The following SMG6 variants were observed in gnomAD, a reference collection of about 807,000 sequenced individuals.
SMG6 encodes the protein telomerase-binding protein EST1A.
Under a neutral mutation model 142.2 loss-of-function variants are expected in SMG6, and 66 were observed. The observed-to-expected ratio is 0.46, with a 90% CI of 0.38 to 0.57. SMG6 has a LOEUF of 0.57. SMG6 is among the 20% of genes least tolerant of loss of function. The probability of loss-of-function intolerance (pLI) is 0.00; values close to 1 mark genes in which losing one functional copy is unlikely to be tolerated. For missense variants in SMG6, 1,793 were observed against 1,832.0 expected, an observed-to-expected ratio of 0.98 and a Z score of 0.39; for synonymous variants, 779 against 702.4, an observed-to-expected ratio of 1.11 and a Z score of -1.72.
At chr17:2,150,184 G>T (rs1008637808) in intron 13 of SMG6, among the ~76,000 whole-genome samples, 5 of 152,210 alleles carry the variant, frequency 3.3e-5, no homozygotes, top group African/African-American at 1.2e-4. Flanking sequence ...GGAGTGGAGC[G>T]CGAACCCTAT....
chr17:2,300,906 T>C (rs1191699792), intron 1 of SMG6, among the ~76,000 whole-genome samples: 1 of 152,236 alleles, frequency 6.6e-6, no homozygotes, highest in Non-Finnish European at 1.5e-5. Context: ...CTACCTACAC[T>C]TGGGTAAGTG....
rs746348979 is a variant in SMG6, at chr17:2,085,685, G to T, written c.3534+40C>A. On this transcript the variant is annotated intron_variant, in intron 14 of 18. Transcript: ENST00000263073. The surrounding 1 kb of genome is among the most constrained non-coding windows in gnomAD (Gnocchi z 4.1). Reference sequence around the variant, plus strand: ...GAAGCCACGAGCAGAATGGGGAGGGGGCCTTCCCTCTGCCACAGCGGGCTC... The same window carrying T: ...GAAGCCACGAGCAGAATGGGGAGGGTGCCTTCCCTCTGCCACAGCGGGCTC... The T allele has an allele frequency of 1.9e-6, 3 of 1,579,182 alleles. No homozygotes were observed. Among genetic ancestry groups the T allele is most frequent in the Non-Finnish European group, 2.6e-6 (3 of 1,159,904 alleles).
chr17:2,111,649 C>T (rs138716823), intron 13 of SMG6, among the ~76,000 whole-genome samples: 11 of 152,286 alleles, frequency 7.2e-5, no homozygotes, highest in Non-Finnish European at 1.3e-4. Context: ...AGGGATCCTC[C>T]GGCCTTGGCC....
chr17:2,069,003 CT>C, intron 15 of SMG6, 72 bp from the exon 16 acceptor site: 3 of 1,496,710 alleles, frequency 2.0e-6, no homozygotes, highest in Non-Finnish European at 2.8e-6. Flanking sequence ...GGCCCTGACA[CT>C]ACGGTGTGTC....
intron 9 of SMG6, among the ~76,000 whole-genome samples, chr17:2,243,257 G>A (rs2073853867): frequency 6.6e-6 from 1 of 152,200 alleles, no homozygotes; most frequent in African/African-American, 2.4e-5. Context: ...AAATGAATAT[G>A]TAATAAGCAC....
chr17:2,126,107 A>C (rs1240800599), intron 13 of SMG6, among the ~76,000 whole-genome samples: 2 of 152,218 alleles, frequency 1.3e-5, no homozygotes, highest in Non-Finnish European at 2.9e-5. Flanking sequence ...CTGGCATAGA[A>C]TAGAACAGAA....
intron 8 of SMG6, among the ~76,000 whole-genome samples, chr17:2,277,445 C>T (rs544124271): frequency 2.0e-5 from 3 of 151,998 alleles, no homozygotes; most frequent in Admixed American, 2.0e-4. Context: ...GGATTACAGG[C>T]GTAAGCACCA....
At chr17:2,266,054 G>C in intron 8 of SMG6, 1 of 985,348 alleles carries the variant, frequency 1.0e-6, no homozygotes, top group Non-Finnish European at 1.2e-6. Context: ...GAAGAGCACA[G>C]AAATGCCTTT....
intron 13 of SMG6, among the ~76,000 whole-genome samples, chr17:2,117,413 C>A (rs187991450): frequency 6.6e-6 from 1 of 151,950 alleles, no homozygotes; most frequent in Non-Finnish European, 1.5e-5. Flanking sequence ...CCAAATAATG[C>A]GCAAATAACT....
At chr17:2,162,991 C>G (rs1302174209) in intron 13 of SMG6, among the ~76,000 whole-genome samples, 1 of 151,972 alleles carries the variant, frequency 6.6e-6, no homozygotes, top group Non-Finnish European at 1.5e-5. Context: ...ACCACCACAC[C>G]TGACTGATTT....
intron 13 of SMG6, among the ~76,000 whole-genome samples, chr17:2,166,183 CA>C (rs772378733): frequency 6.6e-6 from 1 of 151,988 alleles, no homozygotes; most frequent in Non-Finnish European, 1.5e-5. Context: ...CACTGCACTC[CA>C]GCTTGGGAGA....
chr17:2,266,090 T>C (rs1262858557), intron 8 of SMG6: 1 of 985,428 alleles, frequency 1.0e-6, no homozygotes, highest in East Asian at 1.1e-4. Context: ...TCTAGTACTT[T>C]CTGTTCACCA....
At chr17:2,254,392 T>C (rs867848173) in intron 8 of SMG6, among the ~76,000 whole-genome samples, 1 of 152,220 alleles carries the variant, frequency 6.6e-6, no homozygotes, top group African/African-American at 2.4e-5. Context: ...TGGAGTACAC[T>C]GGTGCAATCC....
rs1262617007 is a variant in SMG6, at chr17:2,230,218, AAAAG to A, written c.2869+6270_2869+6273del. Reference sequence around the variant, plus strand: ...AAAAAAAAAAAAAAAAAAAAAAAAAAAAAGGAAAAGAAAGGAAAAGAAAAGTGTC... The same window carrying A: ...AAAAAAAAAAAAAAAAAAAAAAAAAAGAAAAGAAAGGAAAAGAAAAGTGTC... On this transcript the variant is annotated intron_variant, in intron 10 of 18. Coordinates refer to ENST00000263073, the MANE Select transcript of SMG6 (RefSeq NM_017575.5). Among the ~76,000 whole-genome samples the A allele has an allele frequency of 6.3e-3, 350 of 55,520 alleles. 53 individuals carry two copies. Among genetic ancestry groups the A allele is most frequent in the Non-Finnish European group, 9.7e-3 (279 of 28,858 alleles). The allele number at this position is 55,520 out of a possible 152,430, so 36.4% of individuals were successfully genotyped here. A position where few individuals can be genotyped will look rare whatever the true frequency, so the allele number is the denominator to read the frequency against.
intron 13 of SMG6, among the ~76,000 whole-genome samples, chr17:2,151,491 G>A (rs184026334): frequency 3.9e-5 from 6 of 152,186 alleles, no homozygotes; most frequent in African/African-American, 1.4e-4. Flanking sequence ...TCAGAAGTCA[G>A]AGAGCCTTCA....
At position 2,299,410 on chromosome 17, in the gene SMG6, C is replaced by A; in HGVS notation, c.1343G>T (p.Arg448Leu). 1 of 1,613,818 alleles carries A rather than the reference C, an allele frequency of 6.2e-7. No individual in the cohort carries two copies. Among genetic ancestry groups the A allele is most frequent in the Non-Finnish European group, 8.5e-7 (1 of 1,180,036 alleles). Residue 448 changes from arginine to leucine, a missense_variant, in exon 2 of 19, where the codon CGT becomes CTT. Physicochemically the swap from Arg to Leu is moderately radical, Grantham distance 102. Transcript: ENST00000263073. This position sits in a 1 kb window ranked among gnomAD's most constrained non-coding sequence, Gnocchi z 4.3. ...CCACAATCGGCGTGTGGTGCCTCCA[C>A]GGCCCCAACTCCGAGATCCCTTACT... ...SGSKGSRSWG[R>L]GGTTRRLWDP...
chr17:2,269,248 G>A (rs528007551), intron 8 of SMG6, among the ~76,000 whole-genome samples: 24 of 149,376 alleles, frequency 1.6e-4, no homozygotes, highest in Admixed American at 4.0e-4. Flanking sequence ...AAAATTAGCC[G>A]GGTGCAGTGG....
intron 13 of SMG6, among the ~76,000 whole-genome samples, chr17:2,134,599 A>T (rs2070233160): frequency 6.6e-6 from 1 of 152,140 alleles, no homozygotes; most frequent in Admixed American, 6.6e-5. Flanking sequence ...AGACAAAATC[A>T]CTTTTTAAGA....
In SMG6 at chr17:2,085,084, T is replaced by C. The variant is rs564090718; in HGVS notation, c.3534+641A>G. ...GGGCAGGGCAACTGCCAGTGGACTA[T>C]TGCAGGGGCGGGTACACAGGCTCAT... On this transcript the variant is annotated intron_variant, in intron 14 of 18. Coordinates refer to ENST00000263073, the MANE Select transcript of SMG6 (RefSeq NM_017575.5). The surrounding 1 kb of genome is among the most constrained non-coding windows in gnomAD (Gnocchi z 4.1). Among the ~76,000 whole-genome samples the C allele has an allele frequency of 0.01, 1,528 of 152,216 alleles. 28 individuals are homozygous for C. The highest frequency in any genetic ancestry group is 0.035 in the African/African-American group (1,436 of 41,516).
Sources: gnomAD v4.1 joint callset for allele counts (sites outside exome capture counted in the v4.1 genomes callset) on GRCh38, gnomAD v4.1.1 for gene constraint, Gnocchi (gnomAD v3.1) non-coding constraint, MANE v1.5 for transcripts, NCBI Gene and HGNC (gene_info 2026-07-23, HGNC 2026-07-21) for gene names.